The following ANKRD31 variants were observed in gnomAD, a reference collection of about 807,000 sequenced individuals.
ANKRD31 encodes the protein ankyrin repeat domain 31.
In ANKRD31, 147 loss-of-function variants were observed where a neutral mutation model predicts 186.0. That is an observed-to-expected ratio of 0.79 (90% CI 0.69 to 0.91). ANKRD31 has a LOEUF of 0.91. Ranked by LOEUF, ANKRD31 falls within the 40% of genes least tolerant of loss-of-function variation. The probability of loss-of-function intolerance (pLI) is 0.00; values close to 1 mark genes in which losing one functional copy is unlikely to be tolerated. For missense variants in ANKRD31, 1,986 were observed against 2,148.8 expected (o/e 0.92, Z 1.50); for synonymous variants, 673 against 736.4 (o/e 0.91, Z 1.39).
At position 75,116,591 on chromosome 5, in the gene ANKRD31, T is replaced by C. The variant is rs1356574754; in HGVS notation, c.4130A>G (p.Glu1377Gly). ...TIDSSSLSHQ[E>G]RSRESLSVHQ... ...CACAGAAAGGCTTTCTCTTGATCTT[T>C]CTTGGTGTGAAAGGGAAGATGAGTC... Residue 1377 changes from glutamate (E) to glycine (G), a missense_variant, in exon 19 of 26, where the codon GAA (glutamate) becomes GGA (glycine). Physicochemically the swap from Glu to Gly is moderately conservative, Grantham distance 98 (BLOSUM62 -2). Transcript: ENST00000506364. 2.0e-6 allele frequency: 3 copies of C among 1,463,826 alleles called. No individual in the cohort carries two copies. The highest frequency in any genetic ancestry group is 2.7e-6 in the Non-Finnish European group (3 of 1,102,600). 90.7% of individuals were successfully genotyped at this position (1,463,826 alleles called of 1,614,324 possible).
intron 10 of ANKRD31, among the ~76,000 whole-genome samples, chr5:75,173,199 A>G (rs1261193244): frequency 6.6e-6 from 1 of 152,218 alleles, no homozygotes; most frequent in Non-Finnish European, 1.5e-5. Context: ...CCTTCATGCT[A>G]AAAACTCTCA....
At chr5:75,083,570 A>G (rs960482480) in intron 24 of ANKRD31, among the ~76,000 whole-genome samples, 5 of 152,110 alleles carry the variant, frequency 3.3e-5, no homozygotes, top group African/African-American at 7.2e-5. Context: ...CTCCACTAAA[A>G]CTACAAAAAA....
chr5:75,096,191 C>T (rs1018180593), intron 22 of ANKRD31, among the ~76,000 whole-genome samples: 1 of 152,140 alleles, frequency 6.6e-6, no homozygotes, highest in Non-Finnish European at 1.5e-5. Flanking sequence ...TATTTCTTGA[C>T]TTTAATAATC....
At chr5:75,098,206 G>C (rs1278862383) in intron 22 of ANKRD31, among the ~76,000 whole-genome samples, 3 of 151,980 alleles carry the variant, frequency 2.0e-5, no homozygotes, top group Admixed American at 1.3e-4. Flanking sequence ...TGTTAGCCAG[G>C]ATGGTCTCGA....
chr5:75,069,363 G>A (rs1262397549), intron 25 of ANKRD31, among the ~76,000 whole-genome samples: 2 of 151,942 alleles, frequency 1.3e-5, no homozygotes, highest in African/African-American at 2.4e-5. Context: ...AACAATATGA[G>A]TGTCACCTCT....
chr5:75,230,512 G>T, intron 2 of ANKRD31, 50 bp downstream of exon 2: 1 of 1,380,658 alleles, frequency 7.2e-7, no homozygotes, highest in Non-Finnish European at 9.9e-7. Context: ...ATTAAATGGG[G>T]ACTAACTGGG....
chr5:75,188,489 T>C lies in ANKRD31; in HGVS notation c.1564+4A>G. 6.5e-7 allele frequency: 1 copy of C among 1,533,660 alleles called. No homozygotes were observed. The highest frequency in any genetic ancestry group is 8.7e-7 in the Non-Finnish European group (1 of 1,145,550). ...GGTAACTGTGGGTGGTAATCCTAAC[T>C]TACCAGCATAACTTGGCTGATTAAC... is the stretch of plus-strand genomic sequence containing the variant. On this transcript the variant is annotated splice_donor_region_variant and intron_variant, in intron 10 of 25. Transcript: ENST00000506364.
chr5:75,107,418 A>G, intron 21 of ANKRD31, 103 bp downstream of exon 21: 2 of 737,546 alleles, frequency 2.7e-6, no homozygotes, highest in South Asian at 3.9e-5. Context: ...TTTGGCCCCA[A>G]GCAGTGTTTG....
intron 21 of ANKRD31, among the ~76,000 whole-genome samples, chr5:75,107,316 G>C (rs1227395048): frequency 6.6e-6 from 1 of 151,824 alleles, no homozygotes; most frequent in Non-Finnish European, 1.5e-5. Flanking sequence ...GTTCTTTTTT[G>C]ACTATCCCAA....
At chr5:75,225,496 T>A in intron 2 of ANKRD31, 1 of 242,522 alleles carries the variant, frequency 4.1e-6, no homozygotes, top group Non-Finnish European at 8.2e-6. Context: ...ACAGTACAGT[T>A]TAGGATTAGG....
At chr5:75,095,712 A>G (rs1746268834) in intron 22 of ANKRD31, among the ~76,000 whole-genome samples, 1 of 152,204 alleles carries the variant, frequency 6.6e-6, no homozygotes, top group Admixed American at 6.5e-5. Flanking sequence ...TCCCAAAGCA[A>G]AAGAGTAGTG....
chr5:75,221,884 T>C (rs1376079929), intron 3 of ANKRD31, among the ~76,000 whole-genome samples: 2 of 152,216 alleles, frequency 1.3e-5, no homozygotes, highest in East Asian at 1.9e-4. Context: ...CAGTATATAA[T>C]ACATATAAAA....
intron 3 of ANKRD31, among the ~76,000 whole-genome samples, chr5:75,212,959 G>T (rs1756742564): frequency 6.6e-6 from 1 of 152,134 alleles, no homozygotes; most frequent in Non-Finnish European, 1.5e-5. Flanking sequence ...ACAGGTGGGG[G>T]CTGGAGATGT....
chr5:75,136,089 G>A (rs1156331113), intron 17 of ANKRD31, among the ~76,000 whole-genome samples: 1 of 152,202 alleles, frequency 6.6e-6, no homozygotes, highest in Admixed American at 6.5e-5. Flanking sequence ...ATACCATTCA[G>A]GACATAGGCA....
At chr5:75,113,653 A>T (rs1747960231) in intron 19 of ANKRD31, among the ~76,000 whole-genome samples, 1 of 152,216 alleles carries the variant, frequency 6.6e-6, no homozygotes, top group South Asian at 2.1e-4. Flanking sequence ...CTTCTGAAGT[A>T]TGTTGCCCTG....
At chr5:75,135,258 T>G (rs999311815) in intron 17 of ANKRD31, among the ~76,000 whole-genome samples, 2 of 152,150 alleles carry the variant, frequency 1.3e-5, no homozygotes, top group Non-Finnish European at 2.9e-5. Context: ...GATTGTATAT[T>G]TAGGAAACCC....
chr5:75,187,898 G>A (rs1754846132), intron 10 of ANKRD31, among the ~76,000 whole-genome samples: 1 of 152,194 alleles, frequency 6.6e-6, no homozygotes, highest in East Asian at 1.9e-4. Flanking sequence ...GGCTGTCCAA[G>A]TATTGTTCAG....
intron 1 of ANKRD31, among the ~76,000 whole-genome samples, chr5:75,234,203 T>A (rs1227562690): frequency 1.5e-4 from 23 of 152,134 alleles, no homozygotes; most frequent in Admixed American, 1.5e-3. Flanking sequence ...AAAAGAATTA[T>A]AGGTGCACAC....
At chr5:75,212,490 G>T (rs1003282977) in intron 3 of ANKRD31, among the ~76,000 whole-genome samples, 26 of 152,092 alleles carry the variant, frequency 1.7e-4, no homozygotes, top group Non-Finnish European at 5.9e-5. Context: ...AAATTAGCCA[G>T]GCATGGTTGC....
Sources: allele counts gnomAD v4.1 joint callset (sites outside exome capture counted in the v4.1 genomes callset), GRCh38; gene constraint gnomAD v4.1.1; transcripts MANE v1.5; gene names NCBI Gene and HGNC (gene_info 2026-07-23, HGNC 2026-07-21).